TRAF3IP2: variants seen among roughly 807,000 people sequenced by gnomAD.
TRAF3IP2 encodes TRAF3 interacting protein 2.
Under a neutral mutation model 57.9 loss-of-function variants are expected in TRAF3IP2, and 35 were observed. The observed-to-expected ratio is 0.60, with a 90% CI of 0.46 to 0.80. The LOEUF (loss-of-function observed/expected upper bound fraction) is 0.80, where lower values mean the gene tolerates loss of function less well. Ranked by LOEUF, TRAF3IP2 falls within the 30% of genes least tolerant of loss-of-function variation. TRAF3IP2 has a pLI of 0.00. For missense variants in TRAF3IP2, 556 were observed against 706.4 expected, an observed-to-expected ratio of 0.79 and a Z score of 2.41; for synonymous variants, 251 against 268.9, an observed-to-expected ratio of 0.93 and a Z score of 0.65.
At chr6:111,592,159 T>C in intron 1 of TRAF3IP2, 65 bp from the exon 2 acceptor site, 1 of 1,381,112 alleles carries the variant, frequency 7.2e-7, no homozygotes. Flanking sequence ...CCTCACTTTA[T>C]GACCTTAAGG....
chr6:111,591,915 C>T lies in TRAF3IP2; in HGVS notation c.172G>A (p.Gly58Arg), dbSNP rs201280730. The T allele has an allele frequency of 1.6e-5, 26 of 1,614,208 alleles. No individual in the cohort carries two copies. Among genetic ancestry groups the T allele is most frequent in the Non-Finnish European group, 2.1e-5 (25 of 1,180,038 alleles). The change falls in exon 2 of 9, where the codon GGA becomes AGA. Residue 58 changes from glycine to arginine, a missense_variant. Physicochemically the swap from Gly to Arg is moderately radical, Grantham distance 125 (BLOSUM62 -2). This residue lies in a region of TRAF3IP2 where 428 missense variants were observed against 498.7 expected (regional missense o/e 0.86). Transcript: ENST00000368761. This position sits in a 1 kb window ranked among gnomAD's most constrained non-coding sequence, Gnocchi z 4.9. ...SAPTMLHNSSGDFSQAHSTLK... is the reference protein window; with the variant it reads ...SAPTMLHNSSRDFSQAHSTLK... ...GTTGAGTGAGCTTGAGAAAAGTCTCCGGAGGAATTGTGAAGCATTGTGGGT... is the reference window on the plus strand; with the variant it reads ...GTTGAGTGAGCTTGAGAAAAGTCTCTGGAGGAATTGTGAAGCATTGTGGGT...
intron 2 of TRAF3IP2, among the ~76,000 whole-genome samples, chr6:111,589,071 C>CTTTTTTTTTT (rs372254400): frequency 1.6e-5 from 2 of 123,152 alleles, no homozygotes; most frequent in Non-Finnish European, 3.3e-5. Context: ...GAAAAATTAT[C>CTTTTTTTTTT]TTTTTTTTTT....
intron 8 of TRAF3IP2, among the ~76,000 whole-genome samples, chr6:111,560,061 A>G (rs1449219802): frequency 1.5e-4 from 23 of 152,174 alleles, no homozygotes; most frequent in Admixed American, 1.5e-3. Flanking sequence ...GCCCTCATGG[A>G]GTGGATGTTC....
At chr6:111,585,168 T>C (rs534739943) in intron 2 of TRAF3IP2, among the ~76,000 whole-genome samples, 21 of 152,236 alleles carry the variant, frequency 1.4e-4, no homozygotes, top group Non-Finnish European at 2.9e-4. Context: ...CACTTATAAT[T>C]TGTCATTCTG....
intron 3 of TRAF3IP2, among the ~76,000 whole-genome samples, chr6:111,579,065 T>C (rs989067267): frequency 1.3e-5 from 2 of 152,192 alleles, no homozygotes; most frequent in African/African-American, 4.8e-5. Flanking sequence ...GCACAGTGGC[T>C]CATGCCTGCA....
At chr6:111,563,113 C>G (rs1332434549) in intron 7 of TRAF3IP2, 74 bp from the exon 8 acceptor site, 2 of 1,091,326 alleles carry the variant, frequency 1.8e-6, no homozygotes, top group Admixed American at 1.9e-5. Flanking sequence ...TAATCATGCA[C>G]GTCCACATGG....
intron 2 of TRAF3IP2, among the ~76,000 whole-genome samples, chr6:111,589,071 C>CTTTTTTT (rs372254400): frequency 1.6e-5 from 2 of 123,122 alleles, no homozygotes; most frequent in Non-Finnish European, 3.3e-5. Context: ...GAAAAATTAT[C>CTTTTTTT]TTTTTTTTTT....
intron 7 of TRAF3IP2, among the ~76,000 whole-genome samples, chr6:111,563,382 T>C (rs953148271): frequency 6.6e-6 from 1 of 151,980 alleles, no homozygotes; most frequent in African/African-American, 2.4e-5. Flanking sequence ...TAGCTTGAAA[T>C]TGGCGATGGT....
chr6:111,595,663 A>C (rs900628505), intron 1 of TRAF3IP2, among the ~76,000 whole-genome samples: 5 of 152,072 alleles, frequency 3.3e-5, no homozygotes, highest in Admixed American at 2.0e-4. Flanking sequence ...CCCCGCCTCT[A>C]CTAAAAATAC....
chr6:111,594,942 A>T (rs1387278476), intron 1 of TRAF3IP2, among the ~76,000 whole-genome samples: 4 of 152,164 alleles, frequency 2.6e-5, no homozygotes, highest in Admixed American at 2.6e-4. Context: ...TTTTTAAAAA[A>T]CTGGTCTGGC....
chr6:111,565,900 G>A (rs1795620739), intron 7 of TRAF3IP2, among the ~76,000 whole-genome samples: 1 of 152,116 alleles, frequency 6.6e-6, no homozygotes, highest in African/African-American at 2.4e-5. Flanking sequence ...AATCCTGTAA[G>A]TATTAGTGAC....
rs369773556 is a variant in TRAF3IP2 at position 111,555,886 on chromosome 6, G to A, written c.*3519C>T. Among the ~76,000 whole-genome samples, 34 of 152,140 alleles carry A rather than the reference G, an allele frequency of 2.2e-4. No homozygotes were observed. The East Asian group carries it at 4.8e-3, about 22-fold the overall frequency. ...TGGGAGGCCGAGGCGGATGGATCAC[G>A]AGGTCAGGAGATCAAGACCATCCTG... On this transcript the variant is annotated 3_prime_UTR_variant, in exon 9 of 9. Coordinates refer to ENST00000368761, the MANE Select transcript of TRAF3IP2 (RefSeq NM_147686.4).
chr6:111,580,425 C>G, intron 2 of TRAF3IP2, 36 bp from the exon 3 acceptor site: 1 of 1,512,186 alleles, frequency 6.6e-7, no homozygotes, highest in Non-Finnish European at 8.8e-7. Flanking sequence ...CAGGGAACAT[C>G]AACTCTAGCT....
At chr6:111,584,028 C>T (rs1796254132) in intron 2 of TRAF3IP2, among the ~76,000 whole-genome samples, 1 of 152,168 alleles carries the variant, frequency 6.6e-6, no homozygotes, top group South Asian at 2.1e-4. Context: ...ATTTTTCTTC[C>T]TATATCCATT....
intron 5 of TRAF3IP2, among the ~76,000 whole-genome samples, chr6:111,571,074 TTTTC>T (rs1392570301): frequency 9.3e-5 from 14 of 151,332 alleles, no homozygotes; most frequent in African/African-American, 3.4e-4. Context: ...GCCAACTTTT[TTTTC>T]TTTTTTTTTT....
chr6:111,592,191 T>A, intron 1 of TRAF3IP2, 97 bp from the exon 2 acceptor site: 2 of 1,053,366 alleles, frequency 1.9e-6, no homozygotes, highest in African/African-American at 1.6e-5. Context: ...AGATGTGGTT[T>A]AAATTAACAG....
chr6:111,578,074 C>CTTCTGTT (rs1796043761), intron 3 of TRAF3IP2, among the ~76,000 whole-genome samples: 1 of 152,116 alleles, frequency 6.6e-6, no homozygotes, highest in Non-Finnish European at 1.5e-5. Context: ...TCAAGAAGAT[C>CTTCTGTT]AGAACAGGCT....
intron 7 of TRAF3IP2, 114 bp downstream of exon 7, chr6:111,566,330 C>G: frequency 1.2e-6 from 1 of 853,610 alleles, no homozygotes; most frequent in East Asian, 2.4e-5. Context: ...GCCTGGAGCT[C>G]TTCACCCAGC....
At chr6:111,581,761 T>C (rs1180738917) in intron 2 of TRAF3IP2, among the ~76,000 whole-genome samples, 15 of 152,156 alleles carry the variant, frequency 9.9e-5, no homozygotes, top group Non-Finnish European at 1.5e-5. Flanking sequence ...ACAGATCACC[T>C]GAGTTCAGGA....
Sources: allele counts gnomAD v4.1 joint callset (sites outside exome capture counted in the v4.1 genomes callset), GRCh38; gene constraint gnomAD v4.1.1; regional missense constraint gnomAD v4.1.1; non-coding constraint Gnocchi (gnomAD v3.1); transcripts MANE v1.5; gene names NCBI Gene and HGNC (gene_info 2026-07-23, HGNC 2026-07-21).